The following NEK4 variants were observed in gnomAD, a reference collection of about 807,000 sequenced individuals.
NEK4 encodes NIMA related kinase 4.
Under a neutral mutation model 98.4 loss-of-function variants are expected in NEK4, and 86 were observed. That is an observed-to-expected ratio of 0.87 (90% CI 0.73 to 1.05). The LOEUF (loss-of-function observed/expected upper bound fraction) is 1.05. Among genes scored for constraint, NEK4 ranks in the 50% least tolerant of loss-of-function variants. The probability of loss-of-function intolerance (pLI) is 0.00; values close to 1 mark genes in which losing one functional copy is unlikely to be tolerated. For missense variants in NEK4, 898 were observed against 950.3 expected (o/e 0.94, Z 0.72); for synonymous variants, 328 against 342.2 (o/e 0.96, Z 0.46).
chr3:52,732,368 G>T (rs904864803), intron 15 of NEK4, among the ~76,000 whole-genome samples: 1 of 152,014 alleles, frequency 6.6e-6, no homozygotes, highest in African/African-American at 2.4e-5. Context: ...TAATTTTTTT[G>T]TATTTTTAGT....
chr3:52,736,470 C>T lies in NEK4; in HGVS notation c.2433+1116G>A, dbSNP rs112510762. Among the ~76,000 whole-genome samples the T allele has an allele frequency of 8.8e-3, 1,340 of 152,030 alleles. 8 individuals are homozygous for T. The highest frequency in any genetic ancestry group is 0.014 in the Non-Finnish European group (918 of 67,970). On this transcript the variant is annotated intron_variant, in intron 15 of 15. Transcript: ENST00000233027. ...GCGTGGTGGTGGGCACCTGTAGTCC[C>T]AGCTACTCGGGAGGCTGAGGCAGGA...
intron 15 of NEK4, chr3:52,733,129 G>A: frequency 5.6e-6 from 1 of 180,144 alleles, no homozygotes. Context: ...AGTTAAGATG[G>A]CAAAGTTTTT....
At chr3:52,718,833 C>G (rs943785982) in intron 15 of NEK4, among the ~76,000 whole-genome samples, 1 of 152,182 alleles carries the variant, frequency 6.6e-6, no homozygotes, top group African/African-American at 2.4e-5. Context: ...GGCTCACCGA[C>G]CGTGACTTCC....
intron 4 of NEK4, among the ~76,000 whole-genome samples, chr3:52,764,392 G>T (rs1003683961): frequency 3.9e-5 from 6 of 152,078 alleles, no homozygotes; most frequent in African/African-American, 1.4e-4. Context: ...AGCACCTTGG[G>T]AGGCCGAGGC....
At chr3:52,741,855 C>T (rs986689368) in intron 12 of NEK4, among the ~76,000 whole-genome samples, 5 of 152,052 alleles carry the variant, frequency 3.3e-5, no homozygotes, top group African/African-American at 1.2e-4. Flanking sequence ...TCTCGGCTCA[C>T]AGCAACTTCC....
chr3:52,754,609 T>C (rs1361187357), intron 6 of NEK4: 2 of 935,654 alleles, frequency 2.1e-6, no homozygotes, highest in African/African-American at 1.6e-5. Context: ...AACAGCACAA[T>C]AAGTGTACGT....
rs531858460 is a variant in NEK4 at position 52,746,176 on chromosome 3, T to C, written c.1712A>G (p.His571Arg). 4 of 1,613,990 alleles carry C rather than the reference T, an allele frequency of 2.5e-6. No individual in the cohort carries two copies. The East Asian group carries it at 8.9e-5, about 36-fold the overall frequency. Residue 571 changes from histidine to arginine, a missense_variant, in exon 10 of 16, where the codon CAT becomes CGT. His to Arg is a conservative substitution (Grantham distance 29). Transcript: ENST00000233027. ...GACATCCACTTTCCCAACAATGGGATGAGAAGGCAAAAATCGAGGAGGCGA... is the reference window on the plus strand; with the variant it reads ...GACATCCACTTTCCCAACAATGGGACGAGAAGGCAAAAATCGAGGAGGCGA... ...QESPPRFLPS[H>R]PIVGKVDVTS...
At chr3:52,764,778 G>GCGCACACACACACA (rs148227214) in intron 4 of NEK4, among the ~76,000 whole-genome samples, 1 of 145,030 alleles carries the variant, frequency 6.9e-6, no homozygotes, top group African/African-American at 2.7e-5. Context: ...ACACACACAT[G>GCGCACACACACACA]CACACACACA....
intron 9 of NEK4, 151 bp from the exon 10 acceptor site, chr3:52,746,361 T>C (rs1182515371): frequency 1.4e-6 from 1 of 711,152 alleles, no homozygotes; most frequent in Non-Finnish European, 2.3e-6. Flanking sequence ...CAAAAGTCAG[T>C]CATCTAAGAA....
rs1410780129 is a variant in NEK4, at chr3:52,765,995, C to T, written c.559-1G>A. On this transcript the variant is annotated splice_acceptor_variant, in intron 3 of 15. Transcript: ENST00000233027. LOFTEE classifies it high-confidence loss of function. ...AGCATCCTAGAGCCCAAACATCAGA[C>T]TAGAAAATAAAAACAGTAAACGGTT... The T allele has an allele frequency of 6.9e-6, 11 of 1,596,346 alleles. No individual in the cohort carries two copies. Among genetic ancestry groups the T allele is most frequent in the African/African-American group, 1.3e-5 (1 of 74,446 alleles).
chr3:52,714,710 T>G (rs376174555), intron 15 of NEK4, among the ~76,000 whole-genome samples: 4 of 152,074 alleles, frequency 2.6e-5, no homozygotes, highest in African/African-American at 9.7e-5. Context: ...GGCAGAGAGG[T>G]GCCCCAAGGC....
chr3:52,763,447 T>C, intron 5 of NEK4, 23 bp downstream of exon 5: 1 of 1,601,502 alleles, frequency 6.2e-7, no homozygotes, highest in Non-Finnish European at 8.5e-7. Context: ...TTAGCCCAGC[T>C]ATTTGCAAGG....
intron 6 of NEK4, among the ~76,000 whole-genome samples, 190 bp from the exon 7 acceptor site, chr3:52,752,526 G>C (rs1392262072): frequency 6.6e-6 from 1 of 152,114 alleles, no homozygotes; most frequent in Non-Finnish European, 1.5e-5. Context: ...GTACACCAAT[G>C]TTTACAGCAG....
chr3:52,760,672 G>A (rs2154106305), intron 6 of NEK4, 123 bp downstream of exon 6: 2 of 746,190 alleles, frequency 2.7e-6, no homozygotes, highest in African/African-American at 3.5e-5. Flanking sequence ...TTTACAGTAA[G>A]GAATTAATTG....
At chr3:52,713,726 G>A (rs7620039) in intron 15 of NEK4, among the ~76,000 whole-genome samples, 49,718 of 150,026 alleles carry the variant, frequency 0.33, 9,202 homozygotes, top group Admixed American at 0.45. Context: ...CCCGCGAGGC[G>A]GAGGTTGCGG....
intron 15 of NEK4, among the ~76,000 whole-genome samples, chr3:52,714,941 G>T (rs889964154): frequency 6.6e-6 from 1 of 152,214 alleles, no homozygotes; most frequent in African/African-American, 2.4e-5. Flanking sequence ...TCTAACAAGC[G>T]CAGGATGGGG....
chr3:52,745,060 C>T (rs1256255600), intron 10 of NEK4, among the ~76,000 whole-genome samples: 3 of 151,828 alleles, frequency 2.0e-5, no homozygotes, highest in Non-Finnish European at 4.4e-5. Context: ...GGACTACAGG[C>T]GCCCACCACA....
intron 6 of NEK4, among the ~76,000 whole-genome samples, chr3:52,760,416 C>T (rs551352699): frequency 1.4e-4 from 22 of 152,120 alleles, no homozygotes; most frequent in Non-Finnish European, 2.6e-4. Flanking sequence ...GAGGGTTCAC[C>T]ATGTTGGCCA....
In NEK4 at chr3:52,717,886, T is replaced by C. The variant is rs180698238; in HGVS notation, c.2434-6017A>G. Among the ~76,000 whole-genome samples the C allele has an allele frequency of 5.4e-3, 825 of 152,032 alleles. 13 individuals carry two copies. The South Asian group carries it at 0.066, about 12-fold the overall frequency. ...CTCACTGCAACCTCTGCCCCCTCCCTGGGTTCAAGCAATTCTCATGCCTCA... is the reference window on the plus strand; with the variant it reads ...CTCACTGCAACCTCTGCCCCCTCCCCGGGTTCAAGCAATTCTCATGCCTCA... On this transcript the variant is annotated intron_variant, in intron 15 of 15. Coordinates refer to ENST00000233027, the MANE Select transcript of NEK4 (RefSeq NM_003157.6).
Sources: allele counts gnomAD v4.1 joint callset (sites outside exome capture counted in the v4.1 genomes callset), GRCh38; gene constraint gnomAD v4.1.1; transcripts MANE v1.5; gene names NCBI Gene and HGNC (gene_info 2026-07-23, HGNC 2026-07-21).